Variants in ITGA9 observed in about 807,000 individuals in gnomAD.
ITGA9 encodes integrin subunit alpha 9, also known as integrin alpha-9.
ITGA9 carries 56 observed loss-of-function variants against 127.8 expected under a neutral mutation model. The observed-to-expected ratio is 0.44, with a 90% CI of 0.35 to 0.55. ITGA9 has a LOEUF of 0.55. ITGA9 is among the 20% of genes least tolerant of loss of function. The pLI, the probability that ITGA9 is intolerant of heterozygous loss-of-function variation, is 0.00. For synonymous variants in ITGA9, 508 were observed against 514.5 expected (o/e 0.99, Z 0.17); for missense variants, 1,196 against 1,347.1 (o/e 0.89, Z 1.76).
chr3:37,795,336 G>A (rs1697158960), intron 26 of ITGA9, among the ~76,000 whole-genome samples: 1 of 152,146 alleles, frequency 6.6e-6, no homozygotes, highest in Non-Finnish European at 1.5e-5. Context: ...CATGGGCATT[G>A]CCAGCTGTTA....
intron 17 of ITGA9, among the ~76,000 whole-genome samples, chr3:37,672,542 A>G (rs1700646992): frequency 6.6e-6 from 1 of 152,228 alleles, no homozygotes; most frequent in Non-Finnish European, 1.5e-5. Flanking sequence ...TATTAGCAGT[A>G]TGAGAACAGG....
At chr3:37,464,058 G>A (rs1485070452) in intron 1 of ITGA9, among the ~76,000 whole-genome samples, 4 of 152,042 alleles carry the variant, frequency 2.6e-5, no homozygotes, top group African/African-American at 9.7e-5. Flanking sequence ...TGACAAGGGT[G>A]GCACCAGTTT....
intron 15 of ITGA9, among the ~76,000 whole-genome samples, chr3:37,553,687 C>T (rs1034986459): frequency 2.0e-5 from 3 of 152,350 alleles, no homozygotes; most frequent in Non-Finnish European, 2.9e-5. Flanking sequence ...TTGCTCACCA[C>T]CTCTCTCCTC....
At chr3:37,463,876 A>T (rs1698342453) in intron 1 of ITGA9, among the ~76,000 whole-genome samples, 1 of 152,210 alleles carries the variant, frequency 6.6e-6, no homozygotes, top group Non-Finnish European at 1.5e-5. Flanking sequence ...ACACAGAGAG[A>T]GGCTCTCTAA....
Position 37,566,957 on chromosome 3 carries a change from G to A in ITGA9, c.1689+24372G>A, listed in dbSNP as rs1411654286. On this transcript the variant is annotated intron_variant, in intron 15 of 27. Coordinates refer to ENST00000264741, the MANE Select transcript of ITGA9 (RefSeq NM_002207.3). ...TGTGACATTCCATGTTGATGTAGTT[G>A]CCAAAATGCTCGCCTTCCTGGGTTC... is the stretch of plus-strand genomic sequence containing the variant. Among the ~76,000 whole-genome samples the A allele has an allele frequency of 2.0e-5, 3 of 152,288 alleles. No individual in the cohort carries two copies. The East Asian group carries it at 5.8e-4, about 29-fold the overall frequency.
chr3:37,573,381 T>A (rs1014072457), intron 15 of ITGA9, among the ~76,000 whole-genome samples: 1 of 152,170 alleles, frequency 6.6e-6, no homozygotes, highest in Non-Finnish European at 1.5e-5. Context: ...ACTCCAAAAC[T>A]TGGGGCTGTG....
rs145197526 is a variant in ITGA9 at position 37,671,931 on chromosome 3, A to C, written c.1917-11934A>C. Among the ~76,000 whole-genome samples the C allele has an allele frequency of 5.3e-5, 8 of 152,368 alleles. No individual in the cohort carries two copies. In the East Asian group the frequency reaches 1.5e-3, roughly 29 times the overall value. On this transcript the variant is annotated intron_variant, in intron 17 of 27. Coordinates refer to ENST00000264741, the MANE Select transcript of ITGA9 (RefSeq NM_002207.3). The stretch of plus-strand genomic sequence containing the variant: ...TATTATTGGTTTATGCAGTATTTGA[A>C]TATATAAATATGAACATAAAGCCAC...
intron 15 of ITGA9, among the ~76,000 whole-genome samples, chr3:37,615,134 G>T (rs1700061429): frequency 6.6e-6 from 1 of 152,058 alleles, no homozygotes; most frequent in African/African-American, 2.4e-5. Flanking sequence ...TTTTGAGATA[G>T]GTCCCATCAA....
At chr3:37,646,894 C>G (rs1049202330) in intron 16 of ITGA9, among the ~76,000 whole-genome samples, 3 of 151,814 alleles carry the variant, frequency 2.0e-5, no homozygotes, top group Admixed American at 2.0e-4. Context: ...GTACTTTGTA[C>G]CAAGGAGAAG....
At chr3:37,633,900 C>G (rs927478027) in intron 16 of ITGA9, among the ~76,000 whole-genome samples, 2 of 152,168 alleles carry the variant, frequency 1.3e-5, no homozygotes, top group African/African-American at 4.8e-5. Flanking sequence ...AATATGGTTT[C>G]TACTGAATGC....
At chr3:37,513,025 A>T (rs991266885) in intron 8 of ITGA9, among the ~76,000 whole-genome samples, 13 of 152,190 alleles carry the variant, frequency 8.5e-5, no homozygotes, top group African/African-American at 2.4e-4. Context: ...ACTTCAGCTC[A>T]TGCCTTCCTA....
At chr3:37,804,905 T>C (rs935970447) in intron 27 of ITGA9, among the ~76,000 whole-genome samples, 1 of 152,208 alleles carries the variant, frequency 6.6e-6, no homozygotes, top group African/African-American at 2.4e-5. Flanking sequence ...ATGATGAGCA[T>C]AGTATTGCCT....
intron 16 of ITGA9, among the ~76,000 whole-genome samples, chr3:37,642,983 A>T (rs1006541092): frequency 6.6e-6 from 1 of 152,132 alleles, no homozygotes; most frequent in Non-Finnish European, 1.5e-5. Flanking sequence ...GTTTATTTTC[A>T]TTATTATATT....
chr3:37,520,537 G>A (rs1699033640), intron 11 of ITGA9, among the ~76,000 whole-genome samples: 1 of 152,134 alleles, frequency 6.6e-6, no homozygotes, highest in Admixed American at 6.6e-5. Flanking sequence ...ATTGCAAAAA[G>A]GAACGCTCGG....
At chr3:37,770,565 A>G (rs1209895960) in intron 23 of ITGA9, among the ~76,000 whole-genome samples, 1 of 152,224 alleles carries the variant, frequency 6.6e-6, no homozygotes, top group African/African-American at 2.4e-5. Context: ...CAGCCTGGAA[A>G]GTAACAGCTC....
Position 37,750,585 on chromosome 3 carries a change from G to C in ITGA9, c.2541+16G>C. On this transcript the variant is annotated intron_variant, in intron 23 of 27. Coordinates refer to ENST00000264741, the MANE Select transcript of ITGA9 (RefSeq NM_002207.3). Reference sequence around the variant, plus strand: ...GGAAATGGTGGTGAGTTCTCCATTTGTTTTCACTATTGCTTTCAGCTTTGA... The same window carrying C: ...GGAAATGGTGGTGAGTTCTCCATTTCTTTTCACTATTGCTTTCAGCTTTGA... 1 of 1,519,718 alleles carries C rather than the reference G, an allele frequency of 6.6e-7. No individual in the cohort carries two copies. Among genetic ancestry groups the C allele is most frequent in the Non-Finnish European group, 9.1e-7 (1 of 1,094,120 alleles). 94.1% of individuals were successfully genotyped at this position (1,519,718 alleles called of 1,614,324 possible).
chr3:37,483,152 C>T (rs1698573637), intron 4 of ITGA9, among the ~76,000 whole-genome samples: 2 of 152,104 alleles, frequency 1.3e-5, no homozygotes, highest in African/African-American at 2.4e-5. Context: ...ATGCATAGGA[C>T]CAGTACTTTG....
intron 15 of ITGA9, among the ~76,000 whole-genome samples, chr3:37,574,405 T>C (rs1427125538): frequency 2.0e-5 from 3 of 152,212 alleles, no homozygotes; most frequent in African/African-American, 4.8e-5. Context: ...GGATCAAGTG[T>C]GGTGTAATAA....
rs564170705 is a variant in ITGA9 at position 37,772,481 on chromosome 3, G to A, written c.2542-4911G>A. Among the ~76,000 whole-genome samples the A allele has an allele frequency of 3.3e-5, 5 of 152,180 alleles. 1 individual carries two copies. The highest frequency in any genetic ancestry group is 2.1e-4 in the South Asian group (1 of 4,804). On this transcript the variant is annotated intron_variant, in intron 23 of 27. Transcript: ENST00000264741. The stretch of plus-strand genomic sequence containing the variant: ...ACTGCTGTGAGGACTGAATGTTAAT[G>A]TGTGGAAAGCACCGAGAGCCTGGCG...
Sources: gnomAD v4.1 joint callset for allele counts (sites outside exome capture counted in the v4.1 genomes callset) on GRCh38, gnomAD v4.1.1 for gene constraint, MANE v1.5 for transcripts, NCBI Gene and HGNC (gene_info 2026-07-23, HGNC 2026-07-21) for gene names.